TMPRSS15: variants seen among roughly 807,000 people sequenced by gnomAD.
TMPRSS15 encodes the protein transmembrane serine protease 15.
Under a neutral mutation model 125.3 loss-of-function variants are expected in TMPRSS15, and 128 were observed. The observed-to-expected ratio is 1.02, with a 90% CI of 0.89 to 1.18. The LOEUF is 1.18. TMPRSS15 is among the 50% of genes most tolerant of loss of function. TMPRSS15 has a pLI of 0.00. For synonymous variants in TMPRSS15, 446 were observed against 423.2 expected (o/e 1.05, Z -0.66); for missense variants, 1,283 against 1,212.7 (o/e 1.06, Z -0.86).
At chr21:18,284,239 C>T (rs2074736863) in intron 21 of TMPRSS15, among the ~76,000 whole-genome samples, 3 of 152,196 alleles carry the variant, frequency 2.0e-5, no homozygotes, top group African/African-American at 7.2e-5. Context: ...ACAAAACCAA[C>T]ACTAGCACAA....
intron 21 of TMPRSS15, among the ~76,000 whole-genome samples, chr21:18,290,447 G>T (rs2074820003): frequency 6.7e-6 from 1 of 150,162 alleles, no homozygotes; most frequent in Non-Finnish European, 1.5e-5. Flanking sequence ...GAAAATAAAA[G>T]AAGTTCTCAA....
chr21:18,445,529 T>A (rs1196554014), intron 1 of TMPRSS15, among the ~76,000 whole-genome samples: 4 of 152,150 alleles, frequency 2.6e-5, no homozygotes, highest in African/African-American at 9.7e-5. Flanking sequence ...ATGCTTAGAT[T>A]GATTCCATAT....
intron 6 of TMPRSS15, among the ~76,000 whole-genome samples, chr21:18,366,695 C>T (rs1025855233): frequency 2.0e-5 from 3 of 152,002 alleles, no homozygotes; most frequent in Non-Finnish European, 2.9e-5. Context: ...ACACAATATT[C>T]TAAAATTATG....
intron 13 of TMPRSS15, among the ~76,000 whole-genome samples, chr21:18,334,164 A>G (rs939975223): frequency 2.0e-5 from 3 of 152,130 alleles, no homozygotes; most frequent in Non-Finnish European, 4.4e-5. Flanking sequence ...CTTGAAATTC[A>G]TGTGCATCTT....
chr21:18,305,431 G>T (rs746609988), intron 18 of TMPRSS15, among the ~76,000 whole-genome samples: 1 of 151,900 alleles, frequency 6.6e-6, no homozygotes, highest in African/African-American at 2.4e-5. Context: ...CTCGTGATCC[G>T]CCCTTCTCGG....
At chr21:18,409,851 TCCTTCCTTCCCTCCCTC>T (rs1292845028) in intron 1 of TMPRSS15, among the ~76,000 whole-genome samples, 1 of 78,498 alleles carries the variant, frequency 1.3e-5, no homozygotes, top group Non-Finnish European at 2.3e-5. Flanking sequence ...CTTTCCCCCT[TCCTTCCTTCCCTCCCTC>T]CCTCCCTTCC....
intron 13 of TMPRSS15, among the ~76,000 whole-genome samples, chr21:18,336,369 A>C (rs1340957433): frequency 6.6e-6 from 1 of 152,172 alleles, no homozygotes; most frequent in East Asian, 1.9e-4. Flanking sequence ...AATTTTCAAA[A>C]TTGGCTATTG....
At chr21:18,361,946 G>A (rs1389921242) in intron 7 of TMPRSS15, among the ~76,000 whole-genome samples, 2 of 152,022 alleles carry the variant, frequency 1.3e-5, no homozygotes, top group Non-Finnish European at 2.9e-5. Context: ...AGATTCAGCA[G>A]TTCCAGAGTG....
intron 1 of TMPRSS15, among the ~76,000 whole-genome samples, chr21:18,401,124 G>C (rs142663765): frequency 6.6e-6 from 1 of 152,128 alleles, no homozygotes; most frequent in South Asian, 2.1e-4. Context: ...CTTATACACC[G>C]TTGATAGAAA....
intron 13 of TMPRSS15, among the ~76,000 whole-genome samples, chr21:18,339,939 T>C (rs2075430538): frequency 6.6e-6 from 1 of 152,330 alleles, no homozygotes; most frequent in South Asian, 2.1e-4. Flanking sequence ...TTTGGTTCTT[T>C]TGACTTAAAA....
intron 1 of TMPRSS15, among the ~76,000 whole-genome samples, chr21:18,413,584 CTTTTTT>C (rs141469767): frequency 1.5e-5 from 2 of 135,990 alleles, no homozygotes; most frequent in Non-Finnish European, 3.2e-5. Context: ...ACCTGGCTAA[CTTTTTT>C]TTTTTTTTTT....
chr21:18,303,395 G>T (rs1021126160), intron 18 of TMPRSS15, among the ~76,000 whole-genome samples: 2 of 152,056 alleles, frequency 1.3e-5, no homozygotes, highest in African/African-American at 2.4e-5. Context: ...AAAAATTAAA[G>T]GGAGGGAGGA....
chr21:18,307,924 C>G (rs182667020), intron 18 of TMPRSS15, among the ~76,000 whole-genome samples: 1 of 152,266 alleles, frequency 6.6e-6, no homozygotes, highest in Admixed American at 6.5e-5. Context: ...AAGAACTCCT[C>G]TTTTTATAAT....
At chr21:18,283,118 G>A (rs1490523621) in intron 21 of TMPRSS15, among the ~76,000 whole-genome samples, 1 of 152,096 alleles carries the variant, frequency 6.6e-6, no homozygotes. Flanking sequence ...AGCCATGCTT[G>A]GCATCTTGAT....
chr21:18,269,799 T>C lies in TMPRSS15; in HGVS notation c.*170A>G. On this transcript the variant is annotated 3_prime_UTR_variant, in exon 25 of 25. Coordinates refer to ENST00000284885, the MANE Select transcript of TMPRSS15 (RefSeq NM_002772.3). ...TATTCTGTATTGCTATGGTGAATTT[T>C]ATTATTTTTAAAATTTTGTTTCCCT... The C allele has an allele frequency of 2.9e-6, 2 of 680,198 alleles. No individual in the cohort carries two copies. The highest frequency in any genetic ancestry group is 4.9e-6 in the Non-Finnish European group (2 of 408,884). The allele number at this position is 680,198 out of a possible 1,614,324, so 42.1% of individuals were successfully genotyped here.
At chr21:18,483,227 C>T (rs760411822) in intron 1 of TMPRSS15, among the ~76,000 whole-genome samples, 2 of 151,776 alleles carry the variant, frequency 1.3e-5, no homozygotes, top group Non-Finnish European at 2.9e-5. Flanking sequence ...TTGATCAAAG[C>T]GCACTGAGTT....
At chr21:18,454,692 T>C (rs910099871) in intron 1 of TMPRSS15, among the ~76,000 whole-genome samples, 2 of 152,060 alleles carry the variant, frequency 1.3e-5, no homozygotes, top group East Asian at 3.9e-4. Flanking sequence ...GAGCAGAAGA[T>C]GGAGAAAATG....
At chr21:18,335,027 A>G (rs189385764) in intron 13 of TMPRSS15, among the ~76,000 whole-genome samples, 2 of 152,244 alleles carry the variant, frequency 1.3e-5, no homozygotes, top group Non-Finnish European at 2.9e-5. Context: ...CAAGTTCTCA[A>G]CAGGAAATCA....
At chr21:18,320,705 T>C (rs1292703215) in intron 16 of TMPRSS15, among the ~76,000 whole-genome samples, 1 of 152,196 alleles carries the variant, frequency 6.6e-6, no homozygotes, top group Non-Finnish European at 1.5e-5. Context: ...GTTACTGAAC[T>C]GAACAGAAAT....
Sources: gnomAD v4.1 joint callset for allele counts (sites outside exome capture counted in the v4.1 genomes callset) on GRCh38, gnomAD v4.1.1 for gene constraint, MANE v1.5 for transcripts, NCBI Gene and HGNC (gene_info 2026-07-23, HGNC 2026-07-21) for gene names.